Variants in SH3BP2 observed in about 807,000 individuals in gnomAD.
SH3BP2 encodes the protein SH3 domain binding protein 2.
In SH3BP2, 38 loss-of-function variants were observed where a neutral mutation model predicts 56.2. The observed-to-expected ratio is 0.68, with a 90% confidence interval of 0.52 to 0.89. The LOEUF is 0.89. Ranked by LOEUF, SH3BP2 falls within the 40% of genes least tolerant of loss-of-function variation. The pLI is 0.00. For synonymous variants in SH3BP2, 346 were observed against 316.7 expected, an observed-to-expected ratio of 1.09 and a Z score of -0.98; for missense variants, 748 against 762.6, an observed-to-expected ratio of 0.98 and a Z score of 0.23.
At chr4:2,800,388 G>A (rs1363721483) in intron 1 of SH3BP2, among the ~76,000 whole-genome samples, 1 of 152,186 alleles carries the variant, frequency 6.6e-6, no homozygotes, top group South Asian at 2.1e-4. Context: ...CCTGTCTGAT[G>A]CAGCCTGCCC....
rs1325791133 is a variant in SH3BP2, at chr4:2,830,005, C to T, written c.1099C>T (p.Pro367Ser). ...PKFLKIAEEDPPREAAMPGLF... is the reference protein window; with the variant it reads ...PKFLKIAEEDSPREAAMPGLF... ...GTTCCTGAAGATAGCTGAAGAGGAC[C>T]CCCCAAGGGAGGCAGCCATGCCCGG... Residue 367 changes from proline (P) to serine (S), a missense_variant, in exon 8 of 13, where the codon CCC becomes TCC. Physicochemically the swap from Pro to Ser is moderately conservative, Grantham distance 74. This residue lies in a region of SH3BP2 where 635 missense variants were observed against 615.0 expected (regional missense o/e 1.03). Coordinates refer to ENST00000503393, the MANE Select transcript of SH3BP2 (RefSeq NM_001122681.2). The T allele has an allele frequency of 6.2e-7, 1 of 1,613,092 alleles. No individual in the cohort carries two copies.
Position 2,825,213 on chromosome 4 carries a change from G to A in SH3BP2, c.428+17G>A, listed in dbSNP as rs1038687710. The A allele has an allele frequency of 5.1e-6, 8 of 1,562,444 alleles. No homozygotes were observed. Among genetic ancestry groups the A allele is most frequent in the East Asian group, 2.4e-5 (1 of 41,866 alleles). ...GGACACCAGGTGAGCCCGGGCCCAGGGCATACCGGGCAGTGAGGGTCCCTG... is the reference window on the plus strand; with the variant it reads ...GGACACCAGGTGAGCCCGGGCCCAGAGCATACCGGGCAGTGAGGGTCCCTG... On this transcript the variant is annotated intron_variant, in intron 5 of 12. Coordinates refer to ENST00000503393, the MANE Select transcript of SH3BP2 (RefSeq NM_001122681.2).
In SH3BP2 at chr4:2,831,928, A is replaced by T. The variant is rs756812562; in HGVS notation, c.1356A>T (p.Pro452=). ...ACACCGTCAGCCTCTTGCAGGTGCC[A>T]CTGCCCAACTCGGTCTTCGTCAACA... ...DDSDEDYEKV[P]LPNSVFVNTT... The change falls in exon 10 of 13, where the codon CCA becomes CCT. Residue 452 remains proline (P), a synonymous_variant. Transcript: ENST00000503393. The surrounding 1 kb of genome is among the most constrained non-coding windows in gnomAD (Gnocchi z 4.1). 1.2e-6 allele frequency: 2 copies of T among 1,612,730 alleles called. No homozygotes were observed. Among genetic ancestry groups the T allele is most frequent in the African/African-American group, 2.7e-5 (2 of 74,928 alleles).
At chr4:2,818,978 A>G (rs1577353310) in intron 1 of SH3BP2, 13 of 851,220 alleles carry the variant, frequency 1.5e-5, no homozygotes, top group Non-Finnish European at 1.7e-5. Flanking sequence ...TCAGTTGCCC[A>G]GACTGGAGAG....
chr4:2,818,760 A>G, intron 1 of SH3BP2: 1 of 988,012 alleles, frequency 1.0e-6, no homozygotes, highest in Non-Finnish European at 1.2e-6. Flanking sequence ...CCCGCCCCTG[A>G]CCCCTCCCTG....
At chr4:2,819,821 C>T (rs1218828176) in intron 1 of SH3BP2, among the ~76,000 whole-genome samples, 2 of 151,758 alleles carry the variant, frequency 1.3e-5, no homozygotes, top group African/African-American at 4.8e-5. Flanking sequence ...CATTAAACAG[C>T]ATGGTGTATC....
At chr4:2,809,829 G>A in intron 1 of SH3BP2, 2 of 985,376 alleles carry the variant, frequency 2.0e-6, no homozygotes, top group Non-Finnish European at 2.4e-6. Flanking sequence ...CACTCATCCT[G>A]GTAAGTGCCC....
At chr4:2,805,197 ACACCCCCTGGGCC>A (rs1158441152) in intron 1 of SH3BP2, among the ~76,000 whole-genome samples, 1 of 152,140 alleles carries the variant, frequency 6.6e-6, no homozygotes, top group Non-Finnish European at 1.5e-5. Flanking sequence ...CTACCTAAGC[ACACCCCCTGGGCC>A]CGGAGGGTCA....
chr4:2,826,742 G>A (rs1037252442), intron 5 of SH3BP2: 12 of 367,734 alleles, frequency 3.3e-5, no homozygotes, highest in Middle Eastern at 5.2e-4. Context: ...GTGCATGTCC[G>A]CGTGTTGCTT....
chr4:2,794,414 C>T (rs1722996230), intron 1 of SH3BP2, among the ~76,000 whole-genome samples: 1 of 108,962 alleles, frequency 9.2e-6, no homozygotes, highest in African/African-American at 3.5e-5. Flanking sequence ...TCGAAGGGCC[C>T]TCTTGGAGCC....
chr4:2,825,383 G>T (rs996607603), intron 5 of SH3BP2, among the ~76,000 whole-genome samples, 187 bp downstream of exon 5: 1 of 152,048 alleles, frequency 6.6e-6, no homozygotes, highest in Non-Finnish European at 1.5e-5. Context: ...GACAAGCACA[G>T]ATGTTCACAC....
At position 2,824,461 on chromosome 4, in the gene SH3BP2, T is replaced by C; in HGVS notation, c.240-152T>C. On this transcript the variant is annotated intron_variant, in intron 3 of 12. Transcript: ENST00000503393. ...ACGCCTGCCTGGGCATGAAGCTCAC[T>C]ACTGGGAGCATCAGCAGCCAGGGCC... The C allele has an allele frequency of 7.4e-6, 5 of 676,490 alleles. No homozygotes were observed. In the Admixed American group the frequency reaches 1.0e-4, roughly 14 times the overall value. The allele number at this position is 676,490 out of a possible 1,614,324, so 41.9% of individuals were successfully genotyped here.
rs1249717269 is a variant in SH3BP2, at chr4:2,836,379, G to T, written c.*2545G>T. The T allele has an allele frequency of 1.3e-5, 2 of 152,202 alleles. No homozygotes were observed. The highest frequency in any genetic ancestry group is 6.5e-5 in the Admixed American group (1 of 15,278). The allele number at this position is 152,202 out of a possible 1,614,324, so 9.4% of individuals were successfully genotyped here. A position where few individuals can be genotyped will look rare whatever the true frequency, so the allele number is the denominator to read the frequency against. On this transcript the variant is annotated 3_prime_UTR_variant, in exon 13 of 13. Transcript: ENST00000503393. ...TAGTCCACATATAAGGGTAGGGTTG[G>T]GATTACCATTTACTGACCACATCTG... is the stretch of plus-strand genomic sequence containing the variant.
chr4:2,801,193 G>A lies in SH3BP2; in HGVS notation c.-5+8055G>A, dbSNP rs368271920. On this transcript the variant is annotated intron_variant, in intron 1 of 12. Coordinates refer to ENST00000503393, the MANE Select transcript of SH3BP2 (RefSeq NM_001122681.2). ...GGCTGGGCTCCTTTCCCGGCAGGCC[G>A]GGCCCACCGCCAGACCCTTGTCCTC... 3.3e-3 allele frequency among the ~76,000 whole-genome samples: 507 copies of A among 151,648 alleles called. 2 individuals carry two copies. The highest frequency in any genetic ancestry group is 0.014 in the Middle Eastern group (4 of 288).
In SH3BP2 at chr4:2,806,627, C is replaced by T. The variant is rs1723545878; in HGVS notation, c.-5+13489C>T. On this transcript the variant is annotated intron_variant, in intron 1 of 12. Transcript: ENST00000503393. Reference sequence around the variant, plus strand: ...CCCCACCTCACCGTCTCCAGCCCCACCTCACCCTCACCACCCTCGGCCTGG... The same window carrying T: ...CCCCACCTCACCGTCTCCAGCCCCATCTCACCCTCACCACCCTCGGCCTGG... Among the ~76,000 whole-genome samples the T allele has an allele frequency of 2.0e-5, 3 of 152,140 alleles. 1 individual carries two copies. The South Asian group carries it at 6.2e-4, about 31-fold the overall frequency.
At chr4:2,813,211 C>T (rs1364563013) in intron 1 of SH3BP2, among the ~76,000 whole-genome samples, 3 of 152,214 alleles carry the variant, frequency 2.0e-5, no homozygotes, top group African/African-American at 7.2e-5. Flanking sequence ...AGGTGGAAGC[C>T]GCCCCATCTG....
rs375771631 is a variant in SH3BP2 at position 2,820,579 on chromosome 4, G to A, written c.-4-35G>A. On this transcript the variant is annotated intron_variant, in intron 1 of 12. Transcript: ENST00000503393. ...TGGCTCAGCCATCTCCTGCCTGACC[G>A]TAGCTGAGCCACGTGCCTTTGTCCT... 2.5e-5 allele frequency: 40 copies of A among 1,613,794 alleles called. No homozygotes were observed. In the African/African-American group the frequency reaches 2.8e-4, roughly 11 times the overall value.
rs765607387 is a variant in SH3BP2, at chr4:2,825,107, C to T, written c.358-19C>T. 1 of 1,559,908 alleles carries T rather than the reference C, an allele frequency of 6.4e-7. No homozygotes were observed. The highest frequency in any genetic ancestry group is 2.4e-5 in the East Asian group (1 of 41,414). Reference sequence around the variant, plus strand: ...CACCCTGGTGGCACCGTGCCCACCACAGCCCCGCTGACCTGCAGAGCTGGA... The same window carrying T: ...CACCCTGGTGGCACCGTGCCCACCATAGCCCCGCTGACCTGCAGAGCTGGA... On this transcript the variant is annotated intron_variant, in intron 4 of 12. Coordinates refer to ENST00000503393, the MANE Select transcript of SH3BP2 (RefSeq NM_001122681.2).
intron 1 of SH3BP2, among the ~76,000 whole-genome samples, chr4:2,811,614 C>T (rs538344833): frequency 2.0e-5 from 3 of 152,298 alleles, no homozygotes; most frequent in East Asian, 1.9e-4. Flanking sequence ...GGGCAGGGGC[C>T]GGTGAGTACG....
Sources: allele counts gnomAD v4.1 joint callset (sites outside exome capture counted in the v4.1 genomes callset), GRCh38; gene constraint gnomAD v4.1.1; regional missense constraint gnomAD v4.1.1; non-coding constraint Gnocchi (gnomAD v3.1); transcripts MANE v1.5; gene names NCBI Gene and HGNC (gene_info 2026-07-23, HGNC 2026-07-21).